HIPK3: variants seen among roughly 807,000 people sequenced by gnomAD.
HIPK3 encodes the protein homeodomain interacting protein kinase 3.
A neutral mutation model predicts 124.2 loss-of-function variants in HIPK3; 47 were observed. That is an observed-to-expected ratio of 0.38 (90% CI 0.30 to 0.48). The LOEUF (loss-of-function observed/expected upper bound fraction) is 0.48, where lower values mean the gene tolerates loss of function less well. Among genes scored for constraint, HIPK3 ranks in the 20% least tolerant of loss-of-function variants. HIPK3 has a pLI of 0.98. For missense variants in HIPK3, 1,286 were observed against 1,454.3 expected, an observed-to-expected ratio of 0.88 and a Z score of 1.88; for synonymous variants, 482 against 515.2, an observed-to-expected ratio of 0.94 and a Z score of 0.87.
chr11:33,354,885 A>G lies in HIPK3; in HGVS notation c.*1317A>G, dbSNP rs1853776740. On this transcript the variant is annotated 3_prime_UTR_variant, in exon 17 of 17. Transcript: ENST00000303296. Reference sequence around the variant, plus strand: ...TTGGGTGGTGGTGATGGTAGTGGTTATGTCTGTTTAAATGAAGTTGCTTTT... The same window carrying G: ...TTGGGTGGTGGTGATGGTAGTGGTTGTGTCTGTTTAAATGAAGTTGCTTTT... 1 of 151,518 alleles carries G rather than the reference A, an allele frequency of 6.6e-6. No homozygotes were observed. Among genetic ancestry groups the G allele is most frequent in the Non-Finnish European group, 1.5e-5 (1 of 67,850 alleles). 9.4% of individuals were successfully genotyped at this position (151,518 alleles called of 1,614,324 possible).
rs528365014 is a variant in HIPK3, at chr11:33,307,993, T to A, written c.1097+20482T>A. ...CCATTTGTGTCCTATTTAAGAAGTG[T>A]TTACCTTCCCTAAAGTAACTGTGAT... On this transcript the variant is annotated intron_variant, in intron 2 of 16. Transcript: ENST00000303296. Among the ~76,000 whole-genome samples the A allele has an allele frequency of 8.6e-4, 131 of 152,268 alleles. 1 individual carries two copies. Among genetic ancestry groups the A allele is most frequent in the South Asian group, 4.6e-3 (22 of 4,790 alleles).
At chr11:33,312,877 A>G (rs1241848565) in intron 2 of HIPK3, among the ~76,000 whole-genome samples, 1 of 152,212 alleles carries the variant, frequency 6.6e-6, no homozygotes, top group Admixed American at 6.5e-5. Context: ...TTACAAATGT[A>G]TGAATTGAGG....
intron 4 of HIPK3, among the ~76,000 whole-genome samples, chr11:33,337,676 CTCTTTT>C (rs973004925): frequency 1.4e-4 from 21 of 148,944 alleles, no homozygotes; most frequent in African/African-American, 5.2e-4. Context: ...CTCTCTCTTT[CTCTTTT>C]TCTTTTTTTG....
chr11:33,307,788 CAGTG>C (rs1453819568), intron 2 of HIPK3, among the ~76,000 whole-genome samples: 3 of 151,098 alleles, frequency 2.0e-5, no homozygotes, highest in Admixed American at 6.6e-5. Flanking sequence ...GTGAGTGAGA[CAGTG>C]AGTGATTTTA....
chr11:33,287,462 C>G lies in HIPK3; in HGVS notation c.1048C>G (p.His350Asp). 2 of 1,613,964 alleles carry G rather than the reference C, an allele frequency of 1.2e-6. No homozygotes were observed. The highest frequency in any genetic ancestry group is 1.7e-6 in the Non-Finnish European group (2 of 1,179,900). ...AGTAATAGACTTTGGGTCGGCCAGTCATGTATCAAAGACTGTTTGTTCAAC... is the reference window on the plus strand; with the variant it reads ...AGTAATAGACTTTGGGTCGGCCAGTGATGTATCAAAGACTGTTTGTTCAAC... ...VKVIDFGSAS[H>D]VSKTVCSTYL... Residue 350 changes from histidine (H) to aspartate (D), a missense_variant, in exon 2 of 17, where the codon CAT becomes GAT. By Grantham distance (81) the His-to-Asp change is moderately conservative (BLOSUM62 -1). Transcript: ENST00000303296.
intron 2 of HIPK3, among the ~76,000 whole-genome samples, chr11:33,307,217 G>A (rs1271831136): frequency 1.3e-5 from 2 of 152,124 alleles, no homozygotes; most frequent in East Asian, 1.9e-4. Context: ...GGCATTACAG[G>A]TGTGAGCCAC....
intron 1 of HIPK3, among the ~76,000 whole-genome samples, chr11:33,276,251 G>A (rs1449972194): frequency 6.6e-6 from 1 of 152,106 alleles, no homozygotes; most frequent in African/African-American, 2.4e-5. Flanking sequence ...ATAAAGTAAA[G>A]ACTGTTCAGT....
At chr11:33,299,150 A>T (rs1160108876) in intron 2 of HIPK3, among the ~76,000 whole-genome samples, 2 of 150,400 alleles carry the variant, frequency 1.3e-5, no homozygotes. Flanking sequence ...CCTGGCCTAG[A>T]CGAGTTGCTT....
Position 33,351,742 on chromosome 11 carries a change from C to A in HIPK3, c.2942C>A (p.Ser981Tyr). The A allele has an allele frequency of 6.2e-7, 1 of 1,614,178 alleles. No homozygotes were observed. Among genetic ancestry groups the A allele is most frequent in the South Asian group, 1.1e-5 (1 of 91,082 alleles). Residue 981 changes from serine to tyrosine, a missense_variant, in exon 15 of 17, where the codon TCC becomes TAC. Ser to Tyr is a moderately radical substitution (Grantham distance 144, BLOSUM62 -2). Around this residue, in one of 3 missense-constraint regions of HIPK3, gnomAD observed 810 missense variants for 864.9 expected, o/e 0.94. Coordinates refer to ENST00000303296, the MANE Select transcript of HIPK3 (RefSeq NM_005734.5). ...ACTCATGAAAACACAGAATTGGTATCCTCTGCTGACACAGAAACCAAGCCA... is the reference window on the plus strand; with the variant it reads ...ACTCATGAAAACACAGAATTGGTATACTCTGCTGACACAGAAACCAAGCCA... ...EDTHENTELV[S>Y]SADTETKPAV...
chr11:33,281,034 T>TATATATACAAATAAGTAAA (rs1322011771), intron 1 of HIPK3, among the ~76,000 whole-genome samples: 1 of 151,578 alleles, frequency 6.6e-6, no homozygotes, highest in East Asian at 1.9e-4. Context: ...GATTAGAGTT[T>TATATATACAAATAAGTAAA]TATGTGTATA....
At chr11:33,261,155 A>G (rs1000616828) in intron 1 of HIPK3, among the ~76,000 whole-genome samples, 13 of 146,836 alleles carry the variant, frequency 8.9e-5, no homozygotes, top group Admixed American at 1.4e-4. Context: ...TATATTATAT[A>G]AATATATATA....
chr11:33,300,102 G>A (rs930839315), intron 2 of HIPK3, among the ~76,000 whole-genome samples: 1 of 151,906 alleles, frequency 6.6e-6, no homozygotes, highest in Non-Finnish European at 1.5e-5. Context: ...AGCACTTTGG[G>A]AGGCTGAGGC....
At chr11:33,347,559 GT>G (rs1853533139) in intron 9 of HIPK3, 69 bp from the exon 10 acceptor site, 1 of 1,582,980 alleles carries the variant, frequency 6.3e-7, no homozygotes, top group African/African-American at 1.4e-5. Flanking sequence ...ATAGTTTTGA[GT>G]TTAAGATATG....
intron 2 of HIPK3, among the ~76,000 whole-genome samples, chr11:33,320,795 G>A (rs1852641682): frequency 6.6e-6 from 1 of 152,106 alleles, no homozygotes; most frequent in African/African-American, 2.4e-5. Context: ...AAGTGAGTTT[G>A]GGGGAATCAG....
chr11:33,342,102 CAAAAAAAAA>C (rs58073130), intron 8 of HIPK3, among the ~76,000 whole-genome samples: 116 of 55,588 alleles, frequency 2.1e-3, no homozygotes, highest in African/African-American at 8.1e-3. Context: ...GACTCTGTCT[CAAAAAAAAA>C]AAAAAAAAAA....
At chr11:33,278,717 G>A (rs999857733) in intron 1 of HIPK3, among the ~76,000 whole-genome samples, 2 of 152,090 alleles carry the variant, frequency 1.3e-5, no homozygotes, top group African/African-American at 4.8e-5. Flanking sequence ...GGTGGTGGAC[G>A]CCTGTAGTCC....
intron 3 of HIPK3, among the ~76,000 whole-genome samples, chr11:33,333,933 T>G (rs1233963313): frequency 6.6e-6 from 1 of 152,238 alleles, no homozygotes; most frequent in Non-Finnish European, 1.5e-5. Flanking sequence ...TGTTGATGGC[T>G]TTTCTGTCTG....
chr11:33,272,519 G>T (rs2133878056), intron 1 of HIPK3, among the ~76,000 whole-genome samples: 1 of 152,154 alleles, frequency 6.6e-6, no homozygotes, highest in South Asian at 2.1e-4. Flanking sequence ...TAGTTTTTCT[G>T]GCTTTCCTAA....
intron 1 of HIPK3, chr11:33,258,515 C>A: frequency 1.0e-6 from 1 of 985,490 alleles, no homozygotes; most frequent in South Asian, 4.7e-5. Flanking sequence ...CGCGGCTCCG[C>A]GTCCCCAGCG....
Sources: allele counts gnomAD v4.1 joint callset (sites outside exome capture counted in the v4.1 genomes callset), GRCh38; gene constraint gnomAD v4.1.1; regional missense constraint gnomAD v4.1.1; transcripts MANE v1.5; gene names NCBI Gene and HGNC (gene_info 2026-07-23, HGNC 2026-07-21).